Variants in CTTNBP2 observed in about 807,000 individuals in gnomAD.
CTTNBP2 encodes cortactin binding protein 2, also known as cortactin-binding protein 2.
CTTNBP2 carries 108 observed loss-of-function variants against 156.9 expected under a neutral mutation model. That is an observed-to-expected ratio of 0.69 (90% CI 0.59 to 0.81). The LOEUF (loss-of-function observed/expected upper bound fraction) is 0.81, where lower values mean the gene tolerates loss of function less well. Ranked by LOEUF, CTTNBP2 falls within the 30% of genes least tolerant of loss-of-function variation. CTTNBP2 has a pLI of 0.00. For missense variants in CTTNBP2, 1,924 were observed against 2,035.4 expected (o/e 0.95, Z 1.05); for synonymous variants, 767 against 751.8 (o/e 1.02, Z -0.33).
rs143035354 is a variant in CTTNBP2 at position 117,769,124 on chromosome 7, G to C, written c.2779-1948C>G. On this transcript the variant is annotated intron_variant, in intron 8 of 22. Transcript: ENST00000160373. ...TCCATACTTCAAAGAGCTTTCAAAA[G>C]TGCCTACACCAAAATGTACTTCCAC... is the stretch of plus-strand genomic sequence containing the variant. Among the ~76,000 whole-genome samples the C allele has an allele frequency of 1.6e-3, 247 of 152,302 alleles. 1 individual carries two copies. Among genetic ancestry groups the C allele is most frequent in the East Asian group, 6.4e-3 (33 of 5,178 alleles).
At chr7:117,776,183 T>C (rs1798091364) in intron 8 of CTTNBP2, among the ~76,000 whole-genome samples, 1 of 152,198 alleles carries the variant, frequency 6.6e-6, no homozygotes, top group Non-Finnish European at 1.5e-5. Context: ...ACTATTATCT[T>C]TTTATTCAGC....
At position 117,792,894 on chromosome 7, in the gene CTTNBP2, A is replaced by T. The variant is rs1258185500; in HGVS notation, c.415-113T>A. 1.5e-6 allele frequency: 1 copy of T among 683,898 alleles called. No individual in the cohort carries two copies. 42.4% of individuals were successfully genotyped at this position (683,898 alleles called of 1,614,324 possible). On this transcript the variant is annotated intron_variant, in intron 3 of 22. Transcript: ENST00000160373. This position sits in a 1 kb window ranked among gnomAD's most constrained non-coding sequence, Gnocchi z 4.2. ...TTCTAACAATTACATAACTCGGGTTAGCAAAAACGCCACATTTTCAAAAAG... is the reference window on the plus strand; with the variant it reads ...TTCTAACAATTACATAACTCGGGTTTGCAAAAACGCCACATTTTCAAAAAG...
rs1159796731 is a variant in CTTNBP2 at position 117,871,814 on chromosome 7, CA to C, written c.81+1520del. The C allele has an allele frequency of 7.9e-4, 322 of 406,688 alleles. 3 individuals carry two copies. Among genetic ancestry groups the C allele is most frequent in the African/African-American group, 7.0e-3 (284 of 40,560 alleles). The allele number at this position is 406,688 out of a possible 1,614,324, so 25.2% of individuals were successfully genotyped here. ...CACACCACACACACACACACACACACACACCCTCTTTCTTTTTCGTCCTTCC... is the reference window on the plus strand; with the variant it reads ...CACACCACACACACACACACACACACCACCCTCTTTCTTTTTCGTCCTTCC... On this transcript the variant is annotated intron_variant, in intron 1 of 22. Transcript: ENST00000160373.
rs184491981 is a variant in CTTNBP2, at chr7:117,856,532, G to A, written c.189+4677C>T. ...ATAACTGATAGTTTCCTATGTTATT[G>A]GGGTCATAAATGCATTCTATCTGAA... On this transcript the variant is annotated intron_variant, in intron 2 of 22. Coordinates refer to ENST00000160373, the MANE Select transcript of CTTNBP2 (RefSeq NM_033427.3). Among the ~76,000 whole-genome samples the A allele has an allele frequency of 8.5e-5, 13 of 152,220 alleles. No individual in the cohort carries two copies. In the East Asian group the frequency reaches 2.5e-3, roughly 29 times the overall value.
In CTTNBP2 at chr7:117,811,077, A is replaced by G. The variant is rs935568298; in HGVS notation, c.190-88T>C. 12 of 963,758 alleles carry G rather than the reference A, an allele frequency of 1.2e-5. 1 individual carries two copies. The highest frequency in any genetic ancestry group is 1.9e-5 in the Non-Finnish European group (12 of 645,354). 59.7% of individuals were successfully genotyped at this position (963,758 alleles called of 1,614,324 possible). A position where few individuals can be genotyped will look rare whatever the true frequency, so the allele number is the denominator to read the frequency against. ...AAGAAGGTTTTGTGATTATACTTCCAAATGGTATTCTCAACTGCTGTGAGT... is the reference window on the plus strand; with the variant it reads ...AAGAAGGTTTTGTGATTATACTTCCGAATGGTATTCTCAACTGCTGTGAGT... On this transcript the variant is annotated intron_variant, in intron 2 of 22. Transcript: ENST00000160373.
At chr7:117,773,344 G>A (rs560075495) in intron 8 of CTTNBP2, among the ~76,000 whole-genome samples, 5 of 152,156 alleles carry the variant, frequency 3.3e-5, no homozygotes, top group Non-Finnish European at 7.3e-5. Context: ...GAGTAGAAAC[G>A]TCTGACTCTC....
At chr7:117,815,071 T>A (rs1354657889) in intron 2 of CTTNBP2, among the ~76,000 whole-genome samples, 2 of 152,246 alleles carry the variant, frequency 1.3e-5, no homozygotes, top group African/African-American at 4.8e-5. Context: ...AGATGCCAGG[T>A]AATAATGTTG....
At chr7:117,717,921 A>G in intron 22 of CTTNBP2, 97 bp downstream of exon 22, 1 of 774,288 alleles carries the variant, frequency 1.3e-6, no homozygotes, top group Non-Finnish European at 2.2e-6. Flanking sequence ...GCTTTGGTTT[A>G]AAAAAATAAC....
intron 16 of CTTNBP2, among the ~76,000 whole-genome samples, chr7:117,732,038 G>A (rs1013490990): frequency 3.3e-5 from 5 of 152,068 alleles, no homozygotes; most frequent in African/African-American, 1.2e-4. Context: ...TTCATATTCT[G>A]GGTAAGTGAC....
At chr7:117,849,280 A>C (rs1802787125) in intron 2 of CTTNBP2, among the ~76,000 whole-genome samples, 1 of 152,220 alleles carries the variant, frequency 6.6e-6, no homozygotes, top group African/African-American at 2.4e-5. Context: ...GCGGTTCTCA[A>C]ACTTTAGCAT....
At chr7:117,789,113 A>T (rs1290485214) in intron 4 of CTTNBP2, among the ~76,000 whole-genome samples, 1 of 152,168 alleles carries the variant, frequency 6.6e-6, no homozygotes, top group Non-Finnish European at 1.5e-5. Flanking sequence ...TGGTGAATAG[A>T]TAATAGATTA....
At chr7:117,733,781 C>T (rs1157818807) in intron 16 of CTTNBP2, among the ~76,000 whole-genome samples, 1 of 152,166 alleles carries the variant, frequency 6.6e-6, no homozygotes, top group African/African-American at 2.4e-5. Flanking sequence ...TTCTCCCCGC[C>T]ACCATCTCCC....
At chr7:117,717,747 A>G (rs965761264) in intron 22 of CTTNBP2, among the ~76,000 whole-genome samples, 17 of 151,942 alleles carry the variant, frequency 1.1e-4, no homozygotes, top group African/African-American at 3.6e-4. Context: ...ATAAAATGAA[A>G]AAAAAAAAAA....
chr7:117,808,706 T>C (rs1800088749), intron 3 of CTTNBP2, among the ~76,000 whole-genome samples: 1 of 152,214 alleles, frequency 6.6e-6, no homozygotes, highest in African/African-American at 2.4e-5. Context: ...TTTAAAATAA[T>C]GGATTTTTTT....
chr7:117,727,577 G>A (rs1795162365), intron 17 of CTTNBP2, among the ~76,000 whole-genome samples: 1 of 152,148 alleles, frequency 6.6e-6, no homozygotes, highest in African/African-American at 2.4e-5. Context: ...TCTGCTTGCT[G>A]GTCACAGAAC....
chr7:117,793,961 C>T (rs1410112612), intron 3 of CTTNBP2, among the ~76,000 whole-genome samples: 1 of 152,166 alleles, frequency 6.6e-6, no homozygotes, highest in African/African-American at 2.4e-5. Context: ...TGATAAACTC[C>T]CACCCTTGTG....
chr7:117,780,061 C>T (rs1414520434), intron 7 of CTTNBP2, among the ~76,000 whole-genome samples: 1 of 152,134 alleles, frequency 6.6e-6, no homozygotes, highest in Admixed American at 6.5e-5. Flanking sequence ...CGCCCAGCCA[C>T]ATCTCTGCTT....
At chr7:117,858,294 C>T (rs186468070) in intron 2 of CTTNBP2, among the ~76,000 whole-genome samples, 48 of 152,196 alleles carry the variant, frequency 3.2e-4, no homozygotes, top group Admixed American at 2.3e-3. Context: ...GGCGTGAACC[C>T]GGGAGGTGGG....
At chr7:117,828,439 G>A (rs1801421897) in intron 2 of CTTNBP2, among the ~76,000 whole-genome samples, 1 of 152,214 alleles carries the variant, frequency 6.6e-6, no homozygotes, top group African/African-American at 2.4e-5. Flanking sequence ...GTGAAGGGAA[G>A]AGCTGGTCTT....
Sources: allele counts gnomAD v4.1 joint callset (sites outside exome capture counted in the v4.1 genomes callset), GRCh38; gene constraint gnomAD v4.1.1; non-coding constraint Gnocchi (gnomAD v3.1); transcripts MANE v1.5; gene names NCBI Gene and HGNC (gene_info 2026-07-23, HGNC 2026-07-21).